DNAH14: variants seen among roughly 807,000 people sequenced by gnomAD.
DNAH14 encodes axonemal beta dynein heavy chain 14.
DNAH14 carries 478 observed loss-of-function variants against 520.9 expected under a neutral mutation model. The ratio of observed to expected loss-of-function variants is 0.92; its 90% CI spans 0.85 to 0.99. The LOEUF (loss-of-function observed/expected upper bound fraction) is 0.99. DNAH14 is among the 50% of genes least tolerant of loss of function. The probability of loss-of-function intolerance (pLI) is 0.00; values close to 1 mark genes in which losing one functional copy is unlikely to be tolerated. For missense variants in DNAH14, 4,831 were observed against 5,234.5 expected (o/e 0.92, Z 2.38); for synonymous variants, 1,581 against 1,757.2 (o/e 0.90, Z 2.51).
chr1:225,012,956 A>G (rs1038162034), intron 10 of DNAH14, among the ~76,000 whole-genome samples: 25 of 152,220 alleles, frequency 1.6e-4, no homozygotes, highest in African/African-American at 5.8e-4. Flanking sequence ...TCTGAAGCCT[A>G]CTTCTGTCAG....
chr1:225,192,831 T>G lies in DNAH14; in HGVS notation c.5806T>G (p.Tyr1936Asp). The change falls in exon 38 of 86, where the codon TAT becomes GAT. Residue 1936 changes from tyrosine to aspartate, a missense_variant. Physicochemically the swap from Tyr to Asp is radical, Grantham distance 160 (BLOSUM62 -3). Coordinates refer to ENST00000682510, the MANE Select transcript of DNAH14 (RefSeq NM_001367479.1). ...ATTATTATCAGCAACAATTCGAAGT[T>G]ATGTATATTTTAACACACCAAAGAA... is the stretch of plus-strand genomic sequence containing the variant. ...DGLLSATIRS[Y>D]VYFNTPKNTK... The G allele has an allele frequency of 6.5e-7, 1 of 1,550,302 alleles. No individual in the cohort carries two copies. The highest frequency in any genetic ancestry group is 8.7e-7 in the Non-Finnish European group (1 of 1,146,128).
chr1:225,169,693 A>G (rs1030635035), intron 36 of DNAH14, among the ~76,000 whole-genome samples: 3 of 152,172 alleles, frequency 2.0e-5, no homozygotes, highest in African/African-American at 7.2e-5. Context: ...GTAGGAAAAC[A>G]CTCTGCAGGA....
chr1:225,014,401 G>A (rs1158161971), intron 10 of DNAH14, among the ~76,000 whole-genome samples: 1 of 129,420 alleles, frequency 7.7e-6, no homozygotes, highest in Non-Finnish European at 1.7e-5. Context: ...TTTCTATTTG[G>A]CCATCTTTCC....
chr1:225,050,162 C>T (rs1474737618), intron 15 of DNAH14, 48 bp from the exon 16 acceptor site: 1 of 1,466,824 alleles, frequency 6.8e-7, no homozygotes, highest in African/African-American at 1.4e-5. Flanking sequence ...TGAAGTGTTG[C>T]TTTCAATGGC....
intron 54 of DNAH14, among the ~76,000 whole-genome samples, chr1:225,289,425 A>G (rs1558277327): frequency 1.3e-5 from 2 of 152,224 alleles, no homozygotes; most frequent in South Asian, 4.1e-4. Context: ...TAAAACAGGT[A>G]TAAGCTGTAA....
At chr1:225,087,159 C>T (rs996125182) in intron 21 of DNAH14, among the ~76,000 whole-genome samples, 1 of 152,132 alleles carries the variant, frequency 6.6e-6, no homozygotes, top group Non-Finnish European at 1.5e-5. Flanking sequence ...ATGTATTTGG[C>T]TTATGGTTCT....
chr1:225,137,239 T>C (rs1474234941), intron 27 of DNAH14, among the ~76,000 whole-genome samples: 3 of 152,320 alleles, frequency 2.0e-5, no homozygotes, highest in South Asian at 2.1e-4. Context: ...TTCAGTGTTT[T>C]TGCATTTATT....
chr1:225,116,942 C>T (rs1277558101), intron 23 of DNAH14, among the ~76,000 whole-genome samples: 2 of 152,118 alleles, frequency 1.3e-5, no homozygotes, highest in Non-Finnish European at 2.9e-5. Flanking sequence ...TTTTCAAGAA[C>T]TTCGTGGAGA....
At chr1:225,121,839 T>C (rs1040115803) in intron 26 of DNAH14, among the ~76,000 whole-genome samples, 1 of 151,580 alleles carries the variant, frequency 6.6e-6, no homozygotes, top group African/African-American at 2.4e-5. Context: ...AGACTCCATC[T>C]CAAATTAAAT....
intron 73 of DNAH14, among the ~76,000 whole-genome samples, chr1:225,356,276 G>A (rs2095427861): frequency 6.6e-6 from 1 of 152,182 alleles, no homozygotes; most frequent in South Asian, 2.1e-4. Context: ...AGGCAACACT[G>A]AGCCCACATT....
chr1:225,212,260 A>G (rs2088558817), intron 41 of DNAH14, among the ~76,000 whole-genome samples: 1 of 151,956 alleles, frequency 6.6e-6, no homozygotes, highest in Non-Finnish European at 1.5e-5. Flanking sequence ...GCTGCATAGT[A>G]TTCCATAGTG....
In DNAH14 at chr1:225,331,446, C is replaced by T. The variant is rs760150821; in HGVS notation, c.9733C>T (p.His3245Tyr). 1.9e-6 allele frequency: 3 copies of T among 1,550,200 alleles called. No homozygotes were observed. In the East Asian group the frequency reaches 7.3e-5, roughly 38 times the overall value. The change falls in exon 65 of 86, where the codon CAT becomes TAT. Residue 3245 changes from histidine (H) to tyrosine (Y), a missense_variant. Coordinates refer to ENST00000682510, the MANE Select transcript of DNAH14 (RefSeq NM_001367479.1). ...ATTAATTATCTTTCAGGTTGAAGAA[C>T]ATTTGCTGTTTTTACAGGCAGCTTA... is the stretch of plus-strand genomic sequence containing the variant. ...KQRGLQLVEE[H>Y]LLFLQAAYKD... is the part of the protein sequence containing the mutation.
intron 55 of DNAH14, among the ~76,000 whole-genome samples, chr1:225,292,412 T>C (rs769510210): frequency 9.9e-5 from 15 of 152,180 alleles, no homozygotes; most frequent in Non-Finnish European, 1.6e-4. Flanking sequence ...TGGCCATTGA[T>C]ACATGGATTA....
intron 49 of DNAH14, among the ~76,000 whole-genome samples, chr1:225,267,585 C>T (rs866753612): frequency 1.3e-5 from 2 of 152,170 alleles, no homozygotes; most frequent in African/African-American, 4.8e-5. Flanking sequence ...CCACCATGCC[C>T]GGCCAGAATG....
chr1:225,088,780 T>A (rs2074058157), intron 21 of DNAH14, among the ~76,000 whole-genome samples: 1 of 152,152 alleles, frequency 6.6e-6, no homozygotes, highest in Non-Finnish European at 1.5e-5. Flanking sequence ...ACAGATTCTG[T>A]AGATATAAAA....
At chr1:225,381,601 C>A in intron 81 of DNAH14, 22 bp downstream of exon 81, 2 of 1,480,488 alleles carry the variant, frequency 1.4e-6, no homozygotes, top group East Asian at 2.5e-5. Flanking sequence ...TTATTATTTC[C>A]TATTTTCTTG....
intron 62 of DNAH14, 54 bp from the exon 63 acceptor site, chr1:225,324,168 T>G (rs1208997554): frequency 2.6e-6 from 4 of 1,541,174 alleles, no homozygotes; most frequent in Non-Finnish European, 3.5e-6. Flanking sequence ...TGGGGAAAAC[T>G]TCAGGTGAAT....
Position 225,167,968 on chromosome 1 carries a change from G to C in DNAH14, c.5475G>C (p.Leu1825Phe). The stretch of plus-strand genomic sequence containing the variant: ...TAATATATACTGCAACTCAGCAATT[G>C]GGTTTACAAAACTGGTCATCTCAGA... Reference protein sequence around the residue: ...EKVIYTATQQLGLQNWSSQKE... With the variant: ...EKVIYTATQQFGLQNWSSQKE... Residue 1825 changes from leucine to phenylalanine, a missense_variant, in exon 36 of 86, where the codon TTG becomes TTC. Leu to Phe is a conservative substitution (Grantham distance 22). Coordinates refer to ENST00000682510, the MANE Select transcript of DNAH14 (RefSeq NM_001367479.1). 6.5e-7 allele frequency: 1 copy of C among 1,536,120 alleles called. No individual in the cohort carries two copies. The highest frequency in any genetic ancestry group is 1.2e-5 in the South Asian group (1 of 80,822).
At chr1:225,050,117 C>G in intron 15 of DNAH14, 93 bp from the exon 16 acceptor site, 1 of 1,072,808 alleles carries the variant, frequency 9.3e-7, no homozygotes, top group Non-Finnish European at 1.3e-6. Context: ...AAATCAGCCC[C>G]CATTTTCAAT....
Sources: allele counts gnomAD v4.1 joint callset (sites outside exome capture counted in the v4.1 genomes callset), GRCh38; gene constraint gnomAD v4.1.1; transcripts MANE v1.5; gene names NCBI Gene and HGNC (gene_info 2026-07-23, HGNC 2026-07-21).